Variants in EXOC4 observed in about 807,000 individuals in gnomAD.
EXOC4 encodes exocyst complex component 4, also known as SEC8-like 1.
EXOC4 carries 71 observed loss-of-function variants against 107.2 expected under a neutral mutation model. The observed-to-expected ratio is 0.66, with a 90% CI of 0.55 to 0.81. The LOEUF (loss-of-function observed/expected upper bound fraction) is 0.81. EXOC4 is among the 30% of genes least tolerant of loss of function. The pLI is 0.00. For missense variants in EXOC4, 1,108 were observed against 1,189.6 expected, an observed-to-expected ratio of 0.93 and a Z score of 1.01; for synonymous variants, 456 against 441.2, an observed-to-expected ratio of 1.03 and a Z score of -0.42.
At chr7:133,956,305 T>G (rs1367838359) in intron 14 of EXOC4, among the ~76,000 whole-genome samples, 1 of 152,156 alleles carries the variant, frequency 6.6e-6, no homozygotes, top group Non-Finnish European at 1.5e-5. Context: ...TGTTAAAAGA[T>G]AGAGGCGGCT....
intron 10 of EXOC4, among the ~76,000 whole-genome samples, chr7:133,804,946 A>G (rs1797038684): frequency 6.6e-6 from 1 of 152,178 alleles, no homozygotes; most frequent in African/African-American, 2.4e-5. Context: ...CCGCTTTAAG[A>G]AGGACTAGCC....
chr7:133,603,758 G>T (rs1159845043), intron 9 of EXOC4, among the ~76,000 whole-genome samples: 1 of 152,174 alleles, frequency 6.6e-6, no homozygotes, highest in African/African-American at 2.4e-5. Context: ...ATGAGTGAAT[G>T]TGAAGGCCTA....
At chr7:133,864,854 A>G (rs1005149139) in intron 11 of EXOC4, among the ~76,000 whole-genome samples, 1 of 152,196 alleles carries the variant, frequency 6.6e-6, no homozygotes, top group Admixed American at 6.5e-5. Context: ...AACTCCAGGC[A>G]TGGACACCTT....
intron 5 of EXOC4, among the ~76,000 whole-genome samples, chr7:133,330,408 C>T (rs967631628): frequency 2.0e-5 from 3 of 152,070 alleles, no homozygotes; most frequent in African/African-American, 7.2e-5. Flanking sequence ...TCCCTGGCTT[C>T]AGCACCCCTT....
chr7:133,576,862 GA>G (rs1801142532), intron 9 of EXOC4: 1 of 1,289,524 alleles, frequency 7.8e-7, no homozygotes, highest in Admixed American at 2.3e-5. Flanking sequence ...GTTTTAAGAT[GA>G]ATTCATCGGG....
chr7:133,670,202 G>T (rs1410963173), intron 10 of EXOC4, among the ~76,000 whole-genome samples: 1 of 152,156 alleles, frequency 6.6e-6, no homozygotes, highest in Non-Finnish European at 1.5e-5. Flanking sequence ...CTTATCTCAG[G>T]TTGCAGAGTC....
intron 7 of EXOC4, among the ~76,000 whole-genome samples, chr7:133,409,660 ACATTTGGCAGG>A (rs1354294065): frequency 2.6e-5 from 4 of 152,156 alleles, no homozygotes; most frequent in African/African-American, 9.7e-5. Context: ...CCTTATTCAG[ACATTTGGCAGG>A]CTGTGGTCAT....
chr7:133,895,901 G>C (rs542233945), intron 12 of EXOC4, among the ~76,000 whole-genome samples, 166 bp downstream of exon 12: 1 of 152,286 alleles, frequency 6.6e-6, no homozygotes, highest in African/African-American at 2.4e-5. Flanking sequence ...TGTGTAGTCA[G>C]ACCAACAGAG....
At chr7:133,821,453 G>A (rs558994419) in intron 11 of EXOC4, among the ~76,000 whole-genome samples, 9 of 152,330 alleles carry the variant, frequency 5.9e-5, no homozygotes, top group East Asian at 1.9e-4. Flanking sequence ...GCTATGAGAC[G>A]TAGAGAATTT....
At chr7:133,935,048 C>G (rs954335456) in intron 13 of EXOC4, among the ~76,000 whole-genome samples, 2 of 151,706 alleles carry the variant, frequency 1.3e-5, no homozygotes, top group Admixed American at 6.6e-5. Context: ...TCATTTTTCT[C>G]TGCTATGACA....
chr7:133,493,620 G>A (rs1020837322), intron 9 of EXOC4, among the ~76,000 whole-genome samples: 13 of 152,076 alleles, frequency 8.5e-5, no homozygotes, highest in African/African-American at 2.9e-4. Flanking sequence ...AGTTCTAGTA[G>A]TATCTCTTAG....
intron 10 of EXOC4, among the ~76,000 whole-genome samples, chr7:133,712,199 G>A (rs1794906853): frequency 6.6e-6 from 1 of 152,084 alleles, no homozygotes; most frequent in African/African-American, 2.4e-5. Flanking sequence ...CAGCACTCTG[G>A]GAGGCCGAGG....
chr7:134,026,236 T>C (rs1456637429), intron 17 of EXOC4, among the ~76,000 whole-genome samples: 8 of 151,576 alleles, frequency 5.3e-5, no homozygotes, highest in Admixed American at 4.6e-4. Context: ...CTTGTCTTTA[T>C]AACTACATAG....
intron 9 of EXOC4, among the ~76,000 whole-genome samples, chr7:133,545,092 A>G (rs900182400): frequency 2.6e-5 from 4 of 151,814 alleles, no homozygotes; most frequent in Non-Finnish European, 5.9e-5. Context: ...TCCCTTGTCT[A>G]TGTGGTCGCT....
intron 14 of EXOC4, among the ~76,000 whole-genome samples, chr7:133,963,254 C>G (rs1010896931): frequency 6.6e-6 from 1 of 152,212 alleles, no homozygotes; most frequent in Non-Finnish European, 1.5e-5. Flanking sequence ...GGGGAGGCAT[C>G]TGTAGTACTC....
At chr7:133,406,333 A>G (rs1022475662) in intron 7 of EXOC4, among the ~76,000 whole-genome samples, 1 of 152,184 alleles carries the variant, frequency 6.6e-6, no homozygotes, top group Non-Finnish European at 1.5e-5. Flanking sequence ...TTTTAAGAAC[A>G]TGGTTTGAAA....
chr7:133,484,188 A>G, intron 9 of EXOC4: 2 of 1,551,438 alleles, frequency 1.3e-6, no homozygotes. Flanking sequence ...GGATAAAAGG[A>G]TTAAAAAAAT....
At chr7:133,819,504 CATGGATGG>C (rs59990439) in intron 11 of EXOC4, among the ~76,000 whole-genome samples, 1 of 151,502 alleles carries the variant, frequency 6.6e-6, no homozygotes, top group Non-Finnish European at 1.5e-5. Context: ...ATGCATGTTG[CATGGATGG>C]ATGGATGGAT....
At chr7:133,856,362 A>C (rs549849204) in intron 11 of EXOC4, among the ~76,000 whole-genome samples, 1 of 152,212 alleles carries the variant, frequency 6.6e-6, no homozygotes, top group Admixed American at 6.5e-5. Context: ...AGAGCATCCA[A>C]ATGCCTAAGC....
Sources: gnomAD v4.1 joint callset for allele counts (sites outside exome capture counted in the v4.1 genomes callset) on GRCh38, gnomAD v4.1.1 for gene constraint, MANE v1.5 for transcripts, NCBI Gene and HGNC (gene_info 2026-07-23, HGNC 2026-07-21) for gene names.